The following LARGE1 variants were observed in gnomAD, a reference collection of about 807,000 sequenced individuals.
The protein encoded by LARGE1 is xylosyl- and glucuronyltransferase LARGE1.
In LARGE1, 43 loss-of-function variants were observed where a neutral mutation model predicts 87.6. The observed-to-expected ratio is 0.49, with a 90% CI of 0.38 to 0.63. The LOEUF (loss-of-function observed/expected upper bound fraction) is 0.63, where lower values mean the gene tolerates loss of function less well. Among genes scored for constraint, LARGE1 ranks in the 30% least tolerant of loss-of-function variants. The pLI is 0.00. For missense variants in LARGE1, 802 were observed against 1,000.2 expected, an observed-to-expected ratio of 0.80 and a Z score of 2.67; for synonymous variants, 434 against 394.6, an observed-to-expected ratio of 1.10 and a Z score of -1.18.
At chr22:33,845,476 T>C (rs2063402998) in intron 1 of LARGE1, among the ~76,000 whole-genome samples, 2 of 151,878 alleles carry the variant, frequency 1.3e-5, no homozygotes, top group Admixed American at 1.3e-4. Flanking sequence ...GCCCGGCTAA[T>C]TTTGTATTTT....
rs547707522 is a variant in LARGE1, at chr22:33,905,908, T to C, written c.-83+14087A>G. On this transcript the variant is annotated intron_variant, in intron 1 of 14. Transcript: ENST00000397394. Reference sequence around the variant, plus strand: ...AGTTTGGGAGGCTGAGGAGGGTGTATCACCTGAGGTCAGGAGTTCGAGACC... The same window carrying C: ...AGTTTGGGAGGCTGAGGAGGGTGTACCACCTGAGGTCAGGAGTTCGAGACC... Among the ~76,000 whole-genome samples the C allele has an allele frequency of 8.5e-5, 13 of 152,180 alleles. 1 individual carries two copies. In the South Asian group the frequency reaches 2.7e-3, roughly 32 times the overall value.
chr22:33,416,909 T>TA (rs2147516654), intron 7 of LARGE1, among the ~76,000 whole-genome samples: 1 of 139,388 alleles, frequency 7.2e-6, no homozygotes, highest in East Asian at 2.0e-4. Context: ...GCCCGGACTT[T>TA]TTTTTTTTTT....
the LARGE1 span, among the ~76,000 whole-genome samples, chr22:33,093,254 C>T: frequency 2.0e-5 from 3 of 152,288 alleles, no homozygotes; most frequent in South Asian, 2.1e-4. Context: ...ACATTTTCCC[C>T]GAATGGTTGT....
chr22:33,337,370 G>C (rs1055141245), intron 10 of LARGE1, among the ~76,000 whole-genome samples: 1 of 152,092 alleles, frequency 6.6e-6, no homozygotes, highest in Non-Finnish European at 1.5e-5. Flanking sequence ...CCTTTCACTG[G>C]TGGTTTTGTT....
At chr22:33,496,744 C>A (rs1275197980) in intron 6 of LARGE1, among the ~76,000 whole-genome samples, 1 of 152,220 alleles carries the variant, frequency 6.6e-6, no homozygotes, top group East Asian at 1.9e-4. Flanking sequence ...GCCCAGAAAA[C>A]AGTTTTCAGA....
intron 2 of LARGE1, among the ~76,000 whole-genome samples, chr22:33,668,483 A>T (rs563971447): frequency 6.6e-6 from 1 of 152,308 alleles, no homozygotes; most frequent in East Asian, 1.9e-4. Context: ...CTTATTATTT[A>T]CCTTATTATA....
chr22:33,246,267 C>CATACTAGTCAA (rs1205813397), intron 11 of LARGE1, among the ~76,000 whole-genome samples: 2 of 152,164 alleles, frequency 1.3e-5, no homozygotes, highest in Non-Finnish European at 2.9e-5. Context: ...AAAACCCCAC[C>CATACTAGTCAA]ATACTAGTCA....
At chr22:33,433,357 G>T (rs1258396878) in intron 6 of LARGE1, among the ~76,000 whole-genome samples, 2 of 152,082 alleles carry the variant, frequency 1.3e-5, no homozygotes, top group African/African-American at 4.8e-5. Context: ...AGCACTTTGG[G>T]AGGCCGGGAT....
chr22:33,728,114 C>T (rs2083327004), intron 2 of LARGE1, among the ~76,000 whole-genome samples: 1 of 152,170 alleles, frequency 6.6e-6, no homozygotes, highest in South Asian at 2.1e-4. Flanking sequence ...CTACTCAATT[C>T]ATATGATCTG....
At chr22:33,915,722 G>A (rs530918656) in intron 1 of LARGE1, among the ~76,000 whole-genome samples, 8 of 152,172 alleles carry the variant, frequency 5.3e-5, no homozygotes, top group African/African-American at 1.7e-4. Context: ...GCCACTATTT[G>A]AATACACAGA....
intron 11 of LARGE1, among the ~76,000 whole-genome samples, chr22:33,261,092 G>A (rs945587134): frequency 2.6e-5 from 4 of 152,192 alleles, no homozygotes; most frequent in African/African-American, 9.7e-5. Context: ...CACTCATTCA[G>A]CATGCGTGTA....
At chr22:33,293,960 TTTAGCACTAA>T (rs1445777531) in intron 12 of LARGE1, among the ~76,000 whole-genome samples, 4 of 152,246 alleles carry the variant, frequency 2.6e-5, no homozygotes, top group African/African-American at 9.6e-5. Flanking sequence ...TATCTCTGCA[TTTAGCACTAA>T]TGACCACTCC....
chr22:33,120,958 G>A, the LARGE1 span, among the ~76,000 whole-genome samples: 4 of 152,014 alleles, frequency 2.6e-5, no homozygotes, highest in African/African-American at 7.2e-5. Context: ...AGGAATAAAT[G>A]AGCTGGGGAT....
intron 3 of LARGE1, among the ~76,000 whole-genome samples, chr22:33,648,869 G>C (rs1027104027): frequency 2.6e-5 from 4 of 152,064 alleles, no homozygotes; most frequent in African/African-American, 9.7e-5. Context: ...TGTCTTTTTT[G>C]CTGTTGTTCA....
At chr22:33,091,677 A>G in the LARGE1 span, among the ~76,000 whole-genome samples, 1 of 152,380 alleles carries the variant, frequency 6.6e-6, no homozygotes, top group African/African-American at 2.4e-5. Flanking sequence ...TCAGATAGAC[A>G]TGGACGGAAA....
intron 1 of LARGE1, among the ~76,000 whole-genome samples, chr22:33,814,454 C>G (rs935033685): frequency 1.3e-5 from 2 of 152,182 alleles, no homozygotes; most frequent in African/African-American, 2.4e-5. Flanking sequence ...TGTCCAGGTG[C>G]TCTGGTAGTT....
At chr22:33,852,575 G>A (rs999140450) in intron 1 of LARGE1, among the ~76,000 whole-genome samples, 5 of 151,942 alleles carry the variant, frequency 3.3e-5, no homozygotes, top group African/African-American at 9.7e-5. Context: ...GGCTGGGCAC[G>A]GTGGCTCACA....
the LARGE1 span, among the ~76,000 whole-genome samples, chr22:33,093,589 T>C: frequency 1.3e-5 from 2 of 152,180 alleles, no homozygotes; most frequent in Middle Eastern, 3.2e-3. Flanking sequence ...CAATATCTTG[T>C]AACAAAGTCC....
At chr22:33,813,943 C>T (rs1000483666) in intron 1 of LARGE1, among the ~76,000 whole-genome samples, 1 of 151,578 alleles carries the variant, frequency 6.6e-6, no homozygotes, top group Non-Finnish European at 1.5e-5. Context: ...CAGAGATACT[C>T]CACACTCTTG....
Sources: gnomAD v4.1 joint callset for allele counts (sites outside exome capture counted in the v4.1 genomes callset) on GRCh38, gnomAD v4.1.1 for gene constraint, MANE v1.5 for transcripts, NCBI Gene and HGNC (gene_info 2026-07-23, HGNC 2026-07-21) for gene names.